Variants in SSH2 observed in about 807,000 individuals in gnomAD.
SSH2 encodes the protein slingshot protein phosphatase 2.
SSH2 carries 37 observed loss-of-function variants against 135.2 expected under a neutral mutation model. That is an observed-to-expected ratio of 0.27 (90% CI 0.21 to 0.36). SSH2 has a LOEUF of 0.36. SSH2 is among the 10% of genes least tolerant of loss of function. The pLI is 1.00. For synonymous variants in SSH2, 628 were observed against 646.2 expected (o/e 0.97, Z 0.43); for missense variants, 1,408 against 1,765.3 (o/e 0.80, Z 3.63).
chr17:29,853,505 C>T (rs1599094672), intron 1 of SSH2, among the ~76,000 whole-genome samples: 1 of 151,698 alleles, frequency 6.6e-6, no homozygotes, highest in East Asian at 1.9e-4. Context: ...GGTGATCTTC[C>T]CCAGTTTGTA....
chr17:29,774,761 T>C (rs1205172358), intron 3 of SSH2, among the ~76,000 whole-genome samples: 1 of 152,172 alleles, frequency 6.6e-6, no homozygotes, highest in East Asian at 1.9e-4. Context: ...AATAGTACTA[T>C]AAAAAGTTAA....
In SSH2 at chr17:29,738,552, T is replaced by TTTC. The variant is rs1324772202; in HGVS notation, c.189-35491_189-35490insGAA. 1.3e-4 allele frequency among the ~76,000 whole-genome samples: 19 copies of TTTC among 148,626 alleles called. 1 individual carries two copies. Among genetic ancestry groups the TTTC allele is most frequent in the Admixed American group, 2.0e-4 (3 of 14,980 alleles). On this transcript the variant is annotated intron_variant, in intron 3 of 15. Coordinates refer to ENST00000540801, the MANE Select transcript of SSH2 (RefSeq NM_001282129.2). Reference sequence around the variant, plus strand: ...AATTTTCTTTTTTTTTCTTTTTTATTTTATTTTATTTTTTTTTTTGAGACG... The same window carrying TTTC: ...AATTTTCTTTTTTTTTCTTTTTTATTTTCTTATTTTATTTTTTTTTTTGAGACG...
chr17:29,825,232 G>C (rs2151350973), intron 2 of SSH2, among the ~76,000 whole-genome samples: 1 of 152,284 alleles, frequency 6.6e-6, no homozygotes, highest in Middle Eastern at 3.4e-3. Flanking sequence ...GAGAGGAAGA[G>C]AAATGTTTAT....
chr17:29,831,575 C>CTT lies in SSH2; in HGVS notation c.144+17272_144+17273dup, dbSNP rs761921450. ...TCACTACCAGAATGCAACTGTTTATCTTTTTTTTTTTTTTTTTTTAAGATG... is the reference window on the plus strand; with the variant it reads ...TCACTACCAGAATGCAACTGTTTATCTTTTTTTTTTTTTTTTTTTTTAAGATG... On this transcript the variant is annotated intron_variant, in intron 2 of 15. Coordinates refer to ENST00000540801, the MANE Select transcript of SSH2 (RefSeq NM_001282129.2). Among the ~76,000 whole-genome samples, 13 of 134,376 alleles carry CTT rather than the reference C, an allele frequency of 9.7e-5. No homozygotes were observed. In the South Asian group the frequency reaches 1.2e-3, roughly 13 times the overall value. 88.2% of individuals were successfully genotyped at this position (134,376 alleles called of 152,430 possible).
chr17:29,900,258 C>A (rs1392613263), intron 1 of SSH2, among the ~76,000 whole-genome samples: 1 of 152,122 alleles, frequency 6.6e-6, no homozygotes, highest in Non-Finnish European at 1.5e-5. Flanking sequence ...AAAGCAATGG[C>A]AACAAAAGCC....
At chr17:29,703,540 CGTGG>C (rs1555616332) in intron 3 of SSH2, among the ~76,000 whole-genome samples, 1 of 151,704 alleles carries the variant, frequency 6.6e-6, no homozygotes, top group Admixed American at 6.6e-5. Flanking sequence ...AGCCACTGTG[CGTGG>C]CCTCTAGACA....
At chr17:29,907,959 T>C (rs2066688069) in intron 1 of SSH2, among the ~76,000 whole-genome samples, 1 of 151,810 alleles carries the variant, frequency 6.6e-6, no homozygotes, top group Non-Finnish European at 1.5e-5. Context: ...TAGCTGGGAC[T>C]ACGGGCATGT....
chr17:29,785,996 G>A (rs141692761), intron 3 of SSH2, among the ~76,000 whole-genome samples: 7 of 151,836 alleles, frequency 4.6e-5, no homozygotes, highest in African/African-American at 9.7e-5. Context: ...AGTAGAGACC[G>A]GGTTTCACCG....
intron 12 of SSH2, among the ~76,000 whole-genome samples, chr17:29,653,874 T>C (rs539743176): frequency 1.3e-5 from 2 of 152,258 alleles, no homozygotes; most frequent in Admixed American, 6.5e-5. Context: ...AGGCGTGAGC[T>C]ACTATGCCTG....
intron 1 of SSH2, among the ~76,000 whole-genome samples, chr17:29,913,352 A>AT (rs2043790247): frequency 2.7e-5 from 1 of 36,674 alleles, no homozygotes; most frequent in Non-Finnish European, 5.4e-5. Flanking sequence ...AAAAAAATAT[A>AT]TATATATATA....
intron 1 of SSH2, among the ~76,000 whole-genome samples, chr17:29,924,830 T>C (rs2067036639): frequency 6.6e-6 from 1 of 152,216 alleles, no homozygotes; most frequent in South Asian, 2.1e-4. Flanking sequence ...CAAACAAAGC[T>C]GTCACCTAAA....
rs150087411 is a variant in SSH2 at position 29,708,451 on chromosome 17, G to A, written c.189-5389C>T. On this transcript the variant is annotated intron_variant, in intron 3 of 15. Transcript: ENST00000540801. Reference sequence around the variant, plus strand: ...AAAAATACAAAAAAATTAGCCAGGCGTGGTGGCGGGTGCCTGTAATCCCAG... The same window carrying A: ...AAAAATACAAAAAAATTAGCCAGGCATGGTGGCGGGTGCCTGTAATCCCAG... Among the ~76,000 whole-genome samples, 676 of 152,090 alleles carry A rather than the reference G, an allele frequency of 4.4e-3. 22 individuals are homozygous for A. The East Asian group carries it at 0.098, about 22-fold the overall frequency.
intron 3 of SSH2, among the ~76,000 whole-genome samples, chr17:29,747,840 G>A (rs1429595516): frequency 6.6e-6 from 1 of 152,202 alleles, no homozygotes; most frequent in Non-Finnish European, 1.5e-5. Context: ...GCAGATGGGA[G>A]CAAGATGATC....
intron 1 of SSH2, among the ~76,000 whole-genome samples, chr17:29,925,834 C>T (rs2067054271): frequency 6.6e-6 from 1 of 152,020 alleles, no homozygotes; most frequent in Non-Finnish European, 1.5e-5. Context: ...CCATAATGTA[C>T]ACATATATCA....
At chr17:29,750,533 CCTT>C (rs1323604324) in intron 3 of SSH2, among the ~76,000 whole-genome samples, 7 of 151,834 alleles carry the variant, frequency 4.6e-5, no homozygotes, top group Admixed American at 2.6e-4. Context: ...TGCTCCTCCT[CCTT>C]CTTCTTCTAA....
chr17:29,763,208 G>A (rs1298022371), intron 3 of SSH2, among the ~76,000 whole-genome samples: 1 of 152,150 alleles, frequency 6.6e-6, no homozygotes, highest in Non-Finnish European at 1.5e-5. Flanking sequence ...GAAAACTCAT[G>A]CTGTAAAGAG....
intron 1 of SSH2, among the ~76,000 whole-genome samples, chr17:29,886,585 A>G (rs1267119355): frequency 6.6e-6 from 1 of 151,950 alleles, no homozygotes; most frequent in East Asian, 1.9e-4. Flanking sequence ...TGTCTCTACT[A>G]AAAATACAAA....
intron 2 of SSH2, among the ~76,000 whole-genome samples, chr17:29,822,534 A>C (rs2042672648): frequency 6.6e-6 from 1 of 151,688 alleles, no homozygotes; most frequent in African/African-American, 2.4e-5. Context: ...GCTCATTTTT[A>C]AATTTTTTGT....
chr17:29,889,230 T>TA (rs2066301361), intron 1 of SSH2, among the ~76,000 whole-genome samples: 1 of 152,018 alleles, frequency 6.6e-6, no homozygotes, highest in Non-Finnish European at 1.5e-5. Flanking sequence ...GTGGATCACT[T>TA]GAGGTCAGGA....
Sources: allele counts gnomAD v4.1 joint callset (sites outside exome capture counted in the v4.1 genomes callset), GRCh38; gene constraint gnomAD v4.1.1; transcripts MANE v1.5; gene names NCBI Gene and HGNC (gene_info 2026-07-23, HGNC 2026-07-21).